Variants in DPP10 observed in about 807,000 individuals in gnomAD.
The protein encoded by DPP10 is inactive dipeptidyl peptidase 10.
In DPP10, 33 loss-of-function variants were observed where a neutral mutation model predicts 120.9. That is an observed-to-expected ratio of 0.27 (90% CI 0.21 to 0.37). The LOEUF (loss-of-function observed/expected upper bound fraction) is 0.37. DPP10 is among the 10% of genes least tolerant of loss of function. DPP10 has a pLI of 1.00. For missense variants in DPP10, 816 were observed against 942.8 expected (o/e 0.87, Z 1.76); for synonymous variants, 337 against 326.1 (o/e 1.03, Z -0.36).
intron 1 of DPP10, among the ~76,000 whole-genome samples, chr2:114,912,562 A>G (rs917714337): frequency 1.1e-4 from 17 of 152,174 alleles, no homozygotes. Context: ...AAACAAGACC[A>G]TCAAGTAGAC....
chr2:115,056,518 T>C (rs1169598151), intron 1 of DPP10, among the ~76,000 whole-genome samples: 1 of 152,078 alleles, frequency 6.6e-6, no homozygotes, highest in Non-Finnish European at 1.5e-5. Flanking sequence ...TACCCCCACA[T>C]CTTGCTATTT....
intron 1 of DPP10, among the ~76,000 whole-genome samples, chr2:114,538,537 C>A (rs990576049): frequency 5.9e-5 from 9 of 152,164 alleles, no homozygotes; most frequent in Non-Finnish European, 1.3e-4. Flanking sequence ...TTTGTGCTTG[C>A]TACAGTGATG....
At position 114,561,034 on chromosome 2, in the gene DPP10, G is replaced by A. The variant is rs533779515; in HGVS notation, c.60+118196G>A. 5.8e-4 allele frequency among the ~76,000 whole-genome samples: 88 copies of A among 152,276 alleles called. 1 individual carries two copies. Among genetic ancestry groups the A allele is most frequent in the Middle Eastern group, 3.4e-3 (1 of 294 alleles). Reference sequence around the variant, plus strand: ...CAGCAGGGAATCCTAAGGAAGCTCTGAGGAGAGCCACAGCACCCCCTTTCT... The same window carrying A: ...CAGCAGGGAATCCTAAGGAAGCTCTAAGGAGAGCCACAGCACCCCCTTTCT... On this transcript the variant is annotated intron_variant, in intron 1 of 25. Transcript: ENST00000410059.
intron 1 of DPP10, among the ~76,000 whole-genome samples, chr2:114,494,460 A>G (rs1682323763): frequency 6.6e-6 from 1 of 152,196 alleles, no homozygotes; most frequent in Non-Finnish European, 1.5e-5. Context: ...CCAGGGAAGC[A>G]GCATGTGAAA....
Position 115,016,325 on chromosome 2 carries a change from C to A in DPP10, c.61-292914C>A, listed in dbSNP as rs140295715. On this transcript the variant is annotated intron_variant, in intron 1 of 25. Coordinates refer to ENST00000410059, the MANE Select transcript of DPP10 (RefSeq NM_020868.6). ...ATATGCAGAAGACTGAAACTGGAAC[C>A]CTTCCTTACACCTCATACATAAATT... Among the ~76,000 whole-genome samples the A allele has an allele frequency of 3.1e-3, 467 of 152,222 alleles. 3 individuals carry two copies. Among genetic ancestry groups the A allele is most frequent in the African/African-American group, 0.011 (440 of 41,544 alleles).
chr2:114,497,353 GTACATA>G (rs1297734832), intron 1 of DPP10, among the ~76,000 whole-genome samples: 4 of 70,000 alleles, frequency 5.7e-5, no homozygotes. Context: ...ACATACACAT[GTACATA>G]TACATACACA....
Position 114,480,389 on chromosome 2 carries a change from A to T in DPP10, c.60+37551A>T, listed in dbSNP as rs543235605. On this transcript the variant is annotated intron_variant, in intron 1 of 25. Coordinates refer to ENST00000410059, the MANE Select transcript of DPP10 (RefSeq NM_020868.6). The stretch of plus-strand genomic sequence containing the variant: ...CCAAAGGATTATAAATCATGCTACT[A>T]TAAAGACACATGCACACGTATGTTT... Among the ~76,000 whole-genome samples the T allele has an allele frequency of 1.3e-4, 20 of 152,258 alleles. No homozygotes were observed. In the South Asian group the frequency reaches 3.7e-3, roughly 28 times the overall value.
intron 7 of DPP10, among the ~76,000 whole-genome samples, chr2:115,716,251 T>C (rs1276110600): frequency 6.6e-6 from 1 of 152,214 alleles, no homozygotes; most frequent in African/African-American, 2.4e-5. Context: ...GGGAATAATT[T>C]ATTGCAAACA....
chr2:114,631,542 G>A (rs533456366), intron 1 of DPP10, among the ~76,000 whole-genome samples: 1 of 152,210 alleles, frequency 6.6e-6, no homozygotes, highest in Non-Finnish European at 1.5e-5. Flanking sequence ...GGGACTAAAG[G>A]GACTGGAGAA....
chr2:115,349,992 T>C (rs191621498), intron 3 of DPP10, among the ~76,000 whole-genome samples: 18 of 152,198 alleles, frequency 1.2e-4, no homozygotes, highest in Admixed American at 1.0e-3. Flanking sequence ...ACCAAACTGA[T>C]AGTTAAATAA....
intron 1 of DPP10, among the ~76,000 whole-genome samples, chr2:114,690,681 C>T (rs1699679935): frequency 6.6e-6 from 1 of 152,008 alleles, no homozygotes; most frequent in East Asian, 1.9e-4. Flanking sequence ...GGTAGTATGT[C>T]CATTTTCACA....
intron 1 of DPP10, among the ~76,000 whole-genome samples, chr2:114,975,407 T>TA (rs1373303755): frequency 2.0e-5 from 3 of 152,110 alleles, no homozygotes; most frequent in Non-Finnish European, 4.4e-5. Flanking sequence ...ACTCTTCTTT[T>TA]AAAAAAATGA....
chr2:114,891,007 TG>T lies in DPP10; in HGVS notation c.61-418231del, dbSNP rs1223870200. Among the ~76,000 whole-genome samples, 14 of 152,300 alleles carry T rather than the reference TG, an allele frequency of 9.2e-5. No individual in the cohort carries two copies. In the East Asian group the frequency reaches 2.5e-3, roughly 27 times the overall value. On this transcript the variant is annotated intron_variant, in intron 1 of 25. Coordinates refer to ENST00000410059, the MANE Select transcript of DPP10 (RefSeq NM_020868.6). The stretch of plus-strand genomic sequence containing the variant: ...GTTTTATCTGCTACTGGTTTTCAGC[TG>T]CCAGCAGTTCTGGAAAATTGCATCC...
chr2:115,049,615 A>T (rs894705773), intron 1 of DPP10, among the ~76,000 whole-genome samples: 8 of 152,190 alleles, frequency 5.3e-5, no homozygotes, highest in Non-Finnish European at 1.2e-4. Context: ...TCAGAAAATA[A>T]TATTGCCTTC....
chr2:115,614,700 A>C (rs576462249), intron 5 of DPP10, among the ~76,000 whole-genome samples: 60 of 152,262 alleles, frequency 3.9e-4, no homozygotes, highest in African/African-American at 1.4e-3. Flanking sequence ...CAACCGTGCC[A>C]GGCTAGGGGG....
At chr2:115,404,371 C>T (rs1445081000) in intron 3 of DPP10, among the ~76,000 whole-genome samples, 2 of 152,156 alleles carry the variant, frequency 1.3e-5, no homozygotes, top group African/African-American at 2.4e-5. Flanking sequence ...AATTCAATCA[C>T]CTCTAACCAG....
chr2:115,406,954 G>A (rs940044409), intron 3 of DPP10, among the ~76,000 whole-genome samples: 1 of 152,132 alleles, frequency 6.6e-6, no homozygotes, highest in East Asian at 1.9e-4. Flanking sequence ...CTTGTCACAC[G>A]ACCAGAAAAT....
At chr2:115,393,310 CA>C (rs3980955) in intron 3 of DPP10, among the ~76,000 whole-genome samples, 47,288 of 144,278 alleles carry the variant, frequency 0.33, 7,484 homozygotes, top group Admixed American at 0.39. Context: ...AAGACTGTCT[CA>C]AAAAAAAAAA....
intron 1 of DPP10, among the ~76,000 whole-genome samples, chr2:114,558,669 C>T (rs1487076552): frequency 1.3e-5 from 2 of 152,228 alleles, no homozygotes; most frequent in Non-Finnish European, 2.9e-5. Context: ...ACACAGCTGA[C>T]ACTCAGTAAA....
Sources: gnomAD v4.1 joint callset for allele counts (sites outside exome capture counted in the v4.1 genomes callset) on GRCh38, gnomAD v4.1.1 for gene constraint, MANE v1.5 for transcripts, NCBI Gene and HGNC (gene_info 2026-07-23, HGNC 2026-07-21) for gene names.